Variants in POLR3E observed in about 807,000 individuals in gnomAD.
POLR3E encodes DNA-directed RNA polymerase III subunit RPC5.
A neutral mutation model predicts 96.6 loss-of-function variants in POLR3E; 41 were observed. The ratio of observed to expected loss-of-function variants is 0.42; its 90% confidence interval spans 0.33 to 0.55. The LOEUF is 0.55. POLR3E is among the 20% of genes least tolerant of loss of function. The pLI, the probability that POLR3E is intolerant of heterozygous loss-of-function variation, is 0.06. For synonymous variants in POLR3E, 396 were observed against 383.6 expected (o/e 1.03, Z -0.38); for missense variants, 849 against 952.1 (o/e 0.89, Z 1.43).
At chr16:22,328,446 G>A (rs2141818786) in intron 18 of POLR3E, 64 bp from the exon 19 acceptor site, 1 of 1,369,244 alleles carries the variant, frequency 7.3e-7, no homozygotes, top group Non-Finnish European at 1.0e-6. Context: ...AGGGAGGGAT[G>A]AGGCAAGCAA....
intron 12 of POLR3E, 61 bp downstream of exon 12, chr16:22,317,267 C>A: frequency 8.2e-7 from 1 of 1,225,674 alleles, no homozygotes; most frequent in Non-Finnish European, 1.2e-6. Context: ...GAGGAATGGA[C>A]TCTGTGGGAC....
rs1430168280 is a variant in POLR3E, at chr16:22,326,225, C to T, written c.1813C>T (p.Arg605Cys). The T allele has an allele frequency of 4.3e-6, 7 of 1,613,068 alleles. No homozygotes were observed. The highest frequency in any genetic ancestry group is 5.9e-6 in the Non-Finnish European group (7 of 1,179,804). The change falls in exon 18 of 21, where the codon CGC (arginine) becomes TGC (cysteine). Residue 605 changes from arginine to cysteine, a missense_variant. Physicochemically the swap from Arg to Cys is radical, Grantham distance 180. Transcript: ENST00000299853. ...GHTLFSGISD[R>C]MLQDTVLAAG... is the part of the protein sequence containing the mutation. ...CACACTCTTCAGCGGCATCTCGGAC[C>T]GCATGCTACAGGACACGGTGCTGGC...
rs1306774179 is a variant in POLR3E at position 22,299,573 on chromosome 16, CT to C, written c.-39+2037del. ...GGATTACAGGCGTGCATCACCACGC[CT>C]GGCTAATTTTTGTATTTTAAGTAGA... On this transcript the variant is annotated intron_variant, in intron 1 of 20. Transcript: ENST00000299853. Among the ~76,000 whole-genome samples the C allele has an allele frequency of 3.9e-5, 6 of 152,020 alleles. No homozygotes were observed. The East Asian group carries it at 9.7e-4, about 25-fold the overall frequency.
At position 22,313,630 on chromosome 16, in the gene POLR3E, C is replaced by T; in HGVS notation, c.375C>T (p.His125=). ...AAALYRQGEL[H]LTPLHGILQL... ...TTCTTCCTCCGCCAGGTGAGCTCCA[C>T]CTGACACCTTTACATGGCATCCTGC... The change falls in exon 7 of 21, where the codon CAC becomes CAT. Residue 125 remains histidine (H), a synonymous_variant. Transcript: ENST00000299853. The surrounding 1 kb of genome is among the most constrained non-coding windows in gnomAD (Gnocchi z 4.1). 1 of 1,612,868 alleles carries T rather than the reference C, an allele frequency of 6.2e-7. No individual in the cohort carries two copies. The highest frequency in any genetic ancestry group is 8.5e-7 in the Non-Finnish European group (1 of 1,178,906).
Position 22,333,565 on chromosome 16 carries a change from G to A in POLR3E, c.2071-79G>A, listed in dbSNP as rs564292198. On this transcript the variant is annotated intron_variant, in intron 20 of 20. Coordinates refer to ENST00000299853, the MANE Select transcript of POLR3E (RefSeq NM_018119.4). ...GTATTCTATTCACTAATCATAAATC[G>A]AGTGTTGACATTGTGGACAGAATGT... The A allele has an allele frequency of 3.7e-5, 35 of 953,394 alleles. No homozygotes were observed. The East Asian group carries it at 6.2e-4, about 17-fold the overall frequency. The allele number at this position is 953,394 out of a possible 1,614,324, so 59.1% of individuals were successfully genotyped here.
In POLR3E at chr16:22,315,262, C is replaced by A; in HGVS notation, c.642+54C>A. On this transcript the variant is annotated intron_variant, in intron 9 of 20. Transcript: ENST00000299853. The stretch of plus-strand genomic sequence containing the variant: ...GAAACACCTCGGTGCCCGGAAGGGT[C>A]ATGGTGTGGCCTCCGTGTCTCACCT... The A allele has an allele frequency of 3.9e-6, 6 of 1,532,898 alleles. No homozygotes were observed. The highest frequency in any genetic ancestry group is 5.3e-6 in the Non-Finnish European group (6 of 1,132,616). The allele number at this position is 1,532,898 out of a possible 1,614,324, so 95.0% of individuals were successfully genotyped here.
chr16:22,316,794 TG>T, intron 10 of POLR3E, 108 bp downstream of exon 10: 1 of 1,011,954 alleles, frequency 9.9e-7, no homozygotes, highest in South Asian at 1.3e-5. Flanking sequence ...AGCATGAGGG[TG>T]GAGCCCATTG....
Position 22,328,585 on chromosome 16 carries a change from C to A in POLR3E, c.1942C>A (p.Gln648Lys), listed in dbSNP as rs1253136278. The A allele has an allele frequency of 6.2e-7, 1 of 1,612,996 alleles. No homozygotes were observed. The highest frequency in any genetic ancestry group is 1.3e-5 in the African/African-American group (1 of 74,878). The change falls in exon 19 of 21, where the codon CAG becomes AAG. Residue 648 changes from glutamine (Q) to lysine (K), a missense_variant and splice_region_variant. Physicochemically the swap from Gln to Lys is moderately conservative, Grantham distance 53 (BLOSUM62 1). Transcript: ENST00000299853. ...ALWESGDMSD[Q>K]HRQVLLEIFS... The stretch of plus-strand genomic sequence containing the variant: ...CTGGGAGTCTGGAGACATGAGTGAT[C>A]AGGTGAGGTGAACTTTGCTGCCATC...
At chr16:22,332,309 AGTCTT>A in intron 20 of POLR3E, 124 bp downstream of exon 20, 4 of 837,932 alleles carry the variant, frequency 4.8e-6, no homozygotes, top group African/African-American at 1.7e-5. Flanking sequence ...CTCCCCAGTC[AGTCTT>A]GTCTTGAGCA....
intron 1 of POLR3E, among the ~76,000 whole-genome samples, chr16:22,301,347 C>T (rs900186101): frequency 1.3e-5 from 2 of 151,652 alleles, no homozygotes; most frequent in Non-Finnish European, 2.9e-5. Context: ...TTTGGGAGGC[C>T]AACACAGGTG....
At chr16:22,325,329 T>C in intron 17 of POLR3E, 63 bp downstream of exon 17, 1 of 1,327,052 alleles carries the variant, frequency 7.5e-7, no homozygotes, top group Non-Finnish European at 1.1e-6. Flanking sequence ...GAAGGGCTGC[T>C]GTGCTAGAGC....
chr16:22,319,712 T>TAAA (rs1176938546), intron 13 of POLR3E, among the ~76,000 whole-genome samples: 7 of 152,194 alleles, frequency 4.6e-5, no homozygotes, highest in African/African-American at 1.7e-4. Flanking sequence ...TTTAAACATT[T>TAAA]TTTAAATTGA....
chr16:22,312,630 G>A (rs2048269385), intron 6 of POLR3E, among the ~76,000 whole-genome samples: 1 of 152,104 alleles, frequency 6.6e-6, no homozygotes, highest in South Asian at 2.1e-4. Flanking sequence ...ACTTTGGGAG[G>A]CCAAGACGGG....
chr16:22,305,164 G>A lies in POLR3E; in HGVS notation c.45G>A (p.Val15=), dbSNP rs1471593863. 4.3e-6 allele frequency: 7 copies of A among 1,613,190 alleles called. No homozygotes were observed. In the Admixed American group the frequency reaches 1.2e-4, roughly 27 times the overall value. The change falls in exon 3 of 21, where the codon GTG becomes GTA. Residue 15 remains valine (V), a synonymous_variant. Transcript: ENST00000299853. ...TCTTCCCTTCTTCCCAGATCGATGT[G>A]TACTTGGCCAAGAGTCTGGCGGAAA... ...EDDPVVQEID[V]YLAKSLAEKL...
At chr16:22,326,428 T>A in intron 18 of POLR3E, 150 bp downstream of exon 18, 1 of 689,544 alleles carries the variant, frequency 1.5e-6, no homozygotes, top group Non-Finnish European at 2.6e-6. Flanking sequence ...TCAGCCTCTC[T>A]GAGGCTCTAT....
chr16:22,323,552 G>C (rs1014393545), intron 14 of POLR3E, among the ~76,000 whole-genome samples: 1 of 152,098 alleles, frequency 6.6e-6, no homozygotes, highest in Non-Finnish European at 1.5e-5. Context: ...CTGGTGTGCC[G>C]TCCCAGTCAC....
chr16:22,325,184 T>C (rs2048553280), intron 16 of POLR3E, 21 bp from the exon 17 acceptor site: 1 of 1,596,278 alleles, frequency 6.3e-7, no homozygotes, highest in Non-Finnish European at 8.6e-7. Flanking sequence ...TTAAAGTTAA[T>C]GGGGTTACTC....
At chr16:22,304,982 C>T (rs1050817506) in intron 2 of POLR3E, among the ~76,000 whole-genome samples, 174 bp from the exon 3 acceptor site, 3 of 152,120 alleles carry the variant, frequency 2.0e-5, no homozygotes, top group Non-Finnish European at 4.4e-5. Context: ...CCTGAATATA[C>T]CCAGTGTGCA....
chr16:22,309,115 G>A (rs1168420137), intron 5 of POLR3E, 75 bp downstream of exon 5: 2 of 1,043,194 alleles, frequency 1.9e-6, no homozygotes, highest in Admixed American at 3.8e-5. Context: ...TAAAGACATT[G>A]ACCCCCTTTG....
Sources: gnomAD v4.1 joint callset for allele counts (sites outside exome capture counted in the v4.1 genomes callset) on GRCh38, gnomAD v4.1.1 for gene constraint, Gnocchi (gnomAD v3.1) non-coding constraint, MANE v1.5 for transcripts, NCBI Gene and HGNC (gene_info 2026-07-23, HGNC 2026-07-21) for gene names.